NUP43: variants seen among roughly 807,000 people sequenced by gnomAD.
NUP43 encodes nucleoporin 43.
NUP43 carries 32 observed loss-of-function variants against 47.3 expected under a neutral mutation model. The ratio of observed to expected loss-of-function variants is 0.68; its 90% CI spans 0.51 to 0.91. The LOEUF (loss-of-function observed/expected upper bound fraction) is 0.91, where lower values mean the gene tolerates loss of function less well. Among genes scored for constraint, NUP43 ranks in the 40% least tolerant of loss-of-function variants. NUP43 has a pLI of 0.00. For missense variants in NUP43, 444 were observed against 453.9 expected (o/e 0.98, Z 0.20); for synonymous variants, 147 against 158.4 (o/e 0.93, Z 0.54).
upstream of NUP43, among the ~76,000 whole-genome samples, chr6:149,747,218 C>G (rs1207396882): frequency 3.3e-5 from 5 of 152,172 alleles, no homozygotes. Context: ...GCCTATCCTT[C>G]AAGGATCTGT....
chr6:149,743,866 G>A, intron 2 of NUP43, 151 bp from the exon 3 acceptor site: 1 of 556,784 alleles, frequency 1.8e-6, no homozygotes, highest in Admixed American at 3.4e-5. Context: ...TGTTAATGAA[G>A]CTGAAAGGCC....
intron 4 of NUP43, among the ~76,000 whole-genome samples, chr6:149,741,904 G>C (rs1785677281): frequency 6.6e-6 from 1 of 152,042 alleles, no homozygotes; most frequent in Non-Finnish European, 1.5e-5. Context: ...CTGTCACCCA[G>C]GTGGGACTGC....
At chr6:149,743,857 G>A in intron 2 of NUP43, 142 bp from the exon 3 acceptor site, 1 of 560,102 alleles carries the variant, frequency 1.8e-6, no homozygotes, top group Non-Finnish European at 3.1e-6. Flanking sequence ...AATAAAATGT[G>A]TTAATGAAGC....
chr6:149,745,858 G>A lies in NUP43; in HGVS notation c.243+82C>T. 4.7e-6 allele frequency: 6 copies of A among 1,289,536 alleles called. No homozygotes were observed. In the East Asian group the frequency reaches 1.2e-4, roughly 26 times the overall value. The allele number at this position is 1,289,536 out of a possible 1,614,324, so 79.9% of individuals were successfully genotyped here. A position where few individuals can be genotyped will look rare whatever the true frequency, so the allele number is the denominator to read the frequency against. On this transcript the variant is annotated intron_variant, in intron 2 of 7. Coordinates refer to ENST00000340413, the MANE Select transcript of NUP43 (RefSeq NM_198887.3). The stretch of plus-strand genomic sequence containing the variant: ...TTTCTGTAAACGAGGGGTGACACCA[G>A]ACAACTTTTATGATGCTCTGCTTGT...
At chr6:149,736,332 CA>C (rs1163906055) in intron 6 of NUP43, 138 bp downstream of exon 6, 1 of 545,122 alleles carries the variant, frequency 1.8e-6, no homozygotes, top group Non-Finnish European at 2.9e-6. Flanking sequence ...AAAGAAATTA[CA>C]TAACTATTTA....
intron 2 of NUP43, among the ~76,000 whole-genome samples, chr6:149,743,940 ATTGAT>A (rs1462213587): frequency 6.6e-6 from 1 of 152,222 alleles, no homozygotes; most frequent in Non-Finnish European, 1.5e-5. Context: ...TTCACCCACA[ATTGAT>A]TTAATTTGGG....
chr6:149,742,670 C>A (rs1437196561), intron 3 of NUP43, 100 bp from the exon 4 acceptor site: 4 of 826,138 alleles, frequency 4.8e-6, no homozygotes, highest in Admixed American at 2.8e-5. Flanking sequence ...CACCCTTCTA[C>A]AAGAATAAAT....
intron 3 of NUP43, among the ~76,000 whole-genome samples, 183 bp downstream of exon 3, chr6:149,743,455 C>T (rs990755341): frequency 3.1e-4 from 47 of 150,676 alleles, no homozygotes; most frequent in African/African-American, 7.3e-4. Context: ...ATTAGCCGGG[C>T]GTGGTGGCAC....
rs28692896 is a variant in NUP43, at chr6:149,745,047, C to T, written c.243+893G>A. On this transcript the variant is annotated intron_variant, in intron 2 of 7. Coordinates refer to ENST00000340413, the MANE Select transcript of NUP43 (RefSeq NM_198887.3). ...TCCAGAGTAGCTGGGATTACAAGCGCGCACCAGGGCTAGGTAGCTTTCTAT... is the reference window on the plus strand; with the variant it reads ...TCCAGAGTAGCTGGGATTACAAGCGTGCACCAGGGCTAGGTAGCTTTCTAT... Among the ~76,000 whole-genome samples the T allele has an allele frequency of 6.0e-5, 9 of 151,034 alleles. No individual in the cohort carries two copies. In the East Asian group the frequency reaches 1.8e-3, roughly 30 times the overall value.
chr6:149,729,279 A>C (rs1261722797), intron 7 of NUP43, among the ~76,000 whole-genome samples: 1 of 152,196 alleles, frequency 6.6e-6, no homozygotes, highest in African/African-American at 2.4e-5. Flanking sequence ...GGTGTGAGCC[A>C]CCGCGCCCGG....
intron 4 of NUP43, among the ~76,000 whole-genome samples, chr6:149,739,041 C>T (rs931006805): frequency 1.4e-4 from 21 of 150,316 alleles, no homozygotes; most frequent in Non-Finnish European, 2.4e-4. Flanking sequence ...ACTGCAATGG[C>T]GCGATCTCGG....
At position 149,746,403 on chromosome 6, in the gene NUP43, C is replaced by A. The variant is rs1270587810; in HGVS notation, c.93G>T (p.Thr31=). ...LPPGSLQTAE[T]FATGSWDNEE... ...CATTGTCCCAAGATCCTGTAGCGAACGTCTCCGCGGTCTGTAAACTTCCCG... is the reference window on the plus strand; with the variant it reads ...CATTGTCCCAAGATCCTGTAGCGAAAGTCTCCGCGGTCTGTAAACTTCCCG... The change falls in exon 1 of 8, where the codon ACG becomes ACT. Residue 31 remains threonine (T), a synonymous_variant. Transcript: ENST00000340413. 11 of 1,614,056 alleles carry A rather than the reference C, an allele frequency of 6.8e-6. No homozygotes were observed. The highest frequency in any genetic ancestry group is 8.5e-6 in the Non-Finnish European group (10 of 1,180,042).
chr6:149,746,071 C>T lies in NUP43; in HGVS notation c.121-9G>A, dbSNP rs1785978644. On this transcript the variant is annotated splice_polypyrimidine_tract_variant and intron_variant, in intron 1 of 7. Coordinates refer to ENST00000340413, the MANE Select transcript of NUP43 (RefSeq NM_198887.3). ...AGTGAAATATAATTTTCCTGTAAAA[C>T]AGAAAGTTTTGTCTTGAGATGACAT... 1 of 1,609,094 alleles carries T rather than the reference C, an allele frequency of 6.2e-7. No homozygotes were observed. The highest frequency in any genetic ancestry group is 1.3e-5 in the African/African-American group (1 of 74,616).
chr6:149,735,285 A>C (rs1327595998), intron 6 of NUP43, among the ~76,000 whole-genome samples: 1 of 152,120 alleles, frequency 6.6e-6, no homozygotes, highest in African/African-American at 2.4e-5. Context: ...CTCAGGCTCA[A>C]GCAATCTTCC....
At chr6:149,746,637 A>T, upstream of NUP43, 1 of 1,590,058 alleles carries the variant, frequency 6.3e-7, no homozygotes, top group Admixed American at 1.8e-5. Context: ...GTCGATAGCC[A>T]GTGTGGGCAC....
At chr6:149,747,624 T>A (rs557110209), upstream of NUP43, among the ~76,000 whole-genome samples, 1 of 152,166 alleles carries the variant, frequency 6.6e-6, no homozygotes, top group Admixed American at 6.5e-5. Context: ...ATATATCTTA[T>A]GTTAGTTTTC....
chr6:149,744,421 G>A (rs564695557), intron 2 of NUP43, among the ~76,000 whole-genome samples: 1 of 151,370 alleles, frequency 6.6e-6, no homozygotes, highest in South Asian at 2.1e-4. Context: ...CTACTCAGGA[G>A]GCTGAGGCAG....
In NUP43 at chr6:149,741,256, CT is replaced by C. The variant is rs1228461065; in HGVS notation, c.502+1133del. ...GCATGATCTCGGCTCACTGCAGCCTCTCAGTCTCTCAGGTTCAAGCGATTCT... is the reference window on the plus strand; with the variant it reads ...GCATGATCTCGGCTCACTGCAGCCTCCAGTCTCTCAGGTTCAAGCGATTCT... On this transcript the variant is annotated intron_variant, in intron 4 of 7. Transcript: ENST00000340413. 2.6e-5 allele frequency among the ~76,000 whole-genome samples: 4 copies of C among 152,272 alleles called. No homozygotes were observed. In the South Asian group the frequency reaches 8.3e-4, roughly 32 times the overall value.
intron 4 of NUP43, among the ~76,000 whole-genome samples, chr6:149,740,435 C>T (rs1785589969): frequency 6.6e-6 from 1 of 152,098 alleles, no homozygotes; most frequent in South Asian, 2.1e-4. Context: ...TCAAGACCAT[C>T]CTGGCCAACA....
Sources: gnomAD v4.1 joint callset for allele counts (sites outside exome capture counted in the v4.1 genomes callset) on GRCh38, gnomAD v4.1.1 for gene constraint, MANE v1.5 for transcripts, NCBI Gene and HGNC (gene_info 2026-07-23, HGNC 2026-07-21) for gene names.